Variants in NCSTN observed in about 807,000 individuals in gnomAD.
NCSTN encodes nicastrin, also known as anterior pharynx-defective 2.
NCSTN carries 22 observed loss-of-function variants against 87.0 expected under a neutral mutation model. The ratio of observed to expected loss-of-function variants is 0.25; its 90% confidence interval spans 0.18 to 0.36. The LOEUF (loss-of-function observed/expected upper bound fraction) is 0.36, where lower values mean the gene tolerates loss of function less well. Among genes scored for constraint, NCSTN ranks in the 10% least tolerant of loss-of-function variants. NCSTN has a pLI of 1.00. For missense variants in NCSTN, 693 were observed against 883.3 expected, an observed-to-expected ratio of 0.78 and a Z score of 2.73; for synonymous variants, 306 against 327.1, an observed-to-expected ratio of 0.94 and a Z score of 0.69.
In NCSTN at chr1:160,353,224, C is replaced by G. The variant is rs199830369; in HGVS notation, c.1166C>G (p.Ser389Cys). Residue 389 changes from serine (S) to cysteine (C), a missense_variant, in exon 10 of 17, where the codon TCT (serine) becomes TGT (cysteine). Coordinates refer to ENST00000294785, the MANE Select transcript of NCSTN (RefSeq NM_015331.3). ...GATCCTGTTTCTCAGAAAAATGAGT[C>G]TGTACGGAACCAGGTAACCTGAGCA... ...HTDPVSQKNE[S>C]VRNQVEDLLA... 1 of 1,614,146 alleles carries G rather than the reference C, an allele frequency of 6.2e-7. No individual in the cohort carries two copies. Among genetic ancestry groups the G allele is most frequent in the Non-Finnish European group, 8.5e-7 (1 of 1,180,022 alleles).
chr1:160,358,016 A>G, intron 16 of NCSTN, 133 bp from the exon 17 acceptor site: 3 of 1,144,142 alleles, frequency 2.6e-6, no homozygotes, highest in Non-Finnish European at 4.0e-6. Flanking sequence ...GATGTTGCCC[A>G]TGATTATTCC....
intron 5 of NCSTN, 24 bp from the exon 6 acceptor site, chr1:160,351,198 A>G: frequency 6.2e-7 from 1 of 1,613,898 alleles, no homozygotes; most frequent in Non-Finnish European, 8.5e-7. Flanking sequence ...TAGCTGTCTC[A>G]GTGGGGTCCA....
intron 2 of NCSTN, among the ~76,000 whole-genome samples, chr1:160,348,294 T>C (rs1346703968): frequency 6.6e-6 from 1 of 152,070 alleles, no homozygotes; most frequent in African/African-American, 2.4e-5. Flanking sequence ...ACATAGAAAA[T>C]GTTATTTGTA....
At chr1:160,348,972 T>A in intron 2 of NCSTN, 27 bp from the exon 3 acceptor site, 1 of 1,614,048 alleles carries the variant, frequency 6.2e-7, no homozygotes, top group Non-Finnish European at 8.5e-7. Context: ...TATGGGAGCT[T>A]TAATTTGACT....
At position 160,355,769 on chromosome 1, in the gene NCSTN, C is replaced by G; in HGVS notation, c.1455+12C>G. 1.2e-6 allele frequency: 2 copies of G among 1,610,678 alleles called. 1 individual carries two copies. The highest frequency in any genetic ancestry group is 2.2e-5 in the South Asian group (2 of 91,020). The stretch of plus-strand genomic sequence containing the variant: ...CAGACACTGCCAAGGTAGCACTGAG[C>G]CAGGCTGGGTGGGAGCCTGGGGCAC... On this transcript the variant is annotated intron_variant, in intron 12 of 16. Coordinates refer to ENST00000294785, the MANE Select transcript of NCSTN (RefSeq NM_015331.3).
intron 5 of NCSTN, among the ~76,000 whole-genome samples, chr1:160,350,574 C>A (rs1648782445): frequency 6.6e-6 from 1 of 152,008 alleles, no homozygotes; most frequent in Non-Finnish European, 1.5e-5. Flanking sequence ...TAGTTCTTCT[C>A]ACATTCTTTC....
chr1:160,351,104 T>A, intron 5 of NCSTN, 118 bp from the exon 6 acceptor site: 1 of 1,029,908 alleles, frequency 9.7e-7, no homozygotes, highest in Non-Finnish European at 1.5e-6. Flanking sequence ...GGGATAAATG[T>A]CTCCGAAAAG....
chr1:160,348,849 C>A (rs908043424), intron 2 of NCSTN, 150 bp from the exon 3 acceptor site: 1 of 1,071,308 alleles, frequency 9.3e-7, no homozygotes, highest in African/African-American at 1.6e-5. Context: ...GGAGCTGGGG[C>A]AACAGCTTTT....
chr1:160,354,653 A>G (rs149153854), intron 11 of NCSTN, among the ~76,000 whole-genome samples: 225 of 152,310 alleles, frequency 1.5e-3, no homozygotes, highest in African/African-American at 5.0e-3. Context: ...GACAGAAAGC[A>G]GTCCTTCTCT....
At chr1:160,348,852 C>A in intron 2 of NCSTN, 147 bp from the exon 3 acceptor site, 1 of 1,126,988 alleles carries the variant, frequency 8.9e-7, no homozygotes, top group Non-Finnish European at 1.3e-6. Flanking sequence ...GCTGGGGCAA[C>A]AGCTTTTCAG....
intron 1 of NCSTN, 104 bp downstream of exon 1, chr1:160,343,585 C>T (rs1648241590): frequency 1.9e-6 from 2 of 1,052,128 alleles, no homozygotes; most frequent in Admixed American, 2.0e-5. Flanking sequence ...GCCCCTCTGT[C>T]CCCCCACCCT....
Position 160,350,102 on chromosome 1 carries a change from C to T in NCSTN, c.437-3C>T. The T allele has an allele frequency of 6.2e-7, 1 of 1,613,898 alleles. No individual in the cohort carries two copies. The highest frequency in any genetic ancestry group is 1.1e-5 in the South Asian group (1 of 91,080). ...TCCCCCTATTCCCCATCCTTCCCTT[C>T]AGGTGTTTACTCCAATTCCTATGGG... On this transcript the variant is annotated splice_region_variant and splice_polypyrimidine_tract_variant and intron_variant, in intron 4 of 16. Transcript: ENST00000294785.
intron 16 of NCSTN, 139 bp downstream of exon 16, chr1:160,357,392 C>T (rs893089769): frequency 1.2e-5 from 11 of 918,706 alleles, no homozygotes; most frequent in African/African-American, 1.6e-5. Flanking sequence ...CCTGGTCAGC[C>T]AGCATGTTCC....
At chr1:160,350,472 A>G (rs63404960) in intron 5 of NCSTN, among the ~76,000 whole-genome samples, 2 of 145,032 alleles carry the variant, frequency 1.4e-5, no homozygotes, top group Non-Finnish European at 3.0e-5. Flanking sequence ...AAAAAAAAAA[A>G]GGATTATTTT....
At position 160,355,922 on chromosome 1, in the gene NCSTN, C is replaced by T. The variant is rs1649106401; in HGVS notation, c.1515C>T (p.Thr505=). 10 of 1,614,180 alleles carry T rather than the reference C, an allele frequency of 6.2e-6. No individual in the cohort carries two copies. The highest frequency in any genetic ancestry group is 7.6e-6 in the Non-Finnish European group (9 of 1,180,018). Reference sequence around the variant, plus strand: ...CTCTGTATGAGCTTGCAGGAGGAACCAACTTCAGCGACACAGTTCAGGCTG... The same window carrying T: ...CTCTGTATGAGCTTGCAGGAGGAACTAACTTCAGCGACACAGTTCAGGCTG... ...GRALYELAGG[T]NFSDTVQADP... The change falls in exon 13 of 17, where the codon ACC becomes ACT. Residue 505 remains threonine, a synonymous_variant. Transcript: ENST00000294785.
chr1:160,352,823 C>T (rs2101904271), intron 8 of NCSTN, 64 bp from the exon 9 acceptor site: 2 of 1,304,380 alleles, frequency 1.5e-6, no homozygotes, highest in Non-Finnish European at 2.2e-6. Context: ...GATCTGGCCG[C>T]CTTCGAGGCT....
In NCSTN at chr1:160,357,266, A is replaced by G. The variant is rs1314814424; in HGVS notation, c.2007+13A>G. ...CAAAGAGCTTGAGGTGAGATGGGGC[A>G]GGGGCATAGGTGGCAGGGATCTGTT... On this transcript the variant is annotated intron_variant, in intron 16 of 16. Transcript: ENST00000294785. 6.2e-7 allele frequency: 1 copy of G among 1,605,250 alleles called. No individual in the cohort carries two copies. The highest frequency in any genetic ancestry group is 8.5e-7 in the Non-Finnish European group (1 of 1,174,788).
rs1485474249 is a variant in NCSTN, at chr1:160,351,258, G to C, written c.619G>C (p.Ala207Pro). ...TCACAACCTGAGTCAGAATGGCTCA[G>C]CACCAACCTTCCCACTATGTGCCAT... ...QDHNLSQNGS[A>P]PTFPLCAMQL... is the part of the protein sequence containing the mutation. The change falls in exon 6 of 17, where the codon GCA becomes CCA. Residue 207 changes from alanine (A) to proline (P), a missense_variant. Around this residue, in one of 4 missense-constraint regions of NCSTN, gnomAD observed 134 missense variants for 226.0 expected, o/e 0.59. Transcript: ENST00000294785. The C allele has an allele frequency of 6.2e-7, 1 of 1,614,052 alleles. No individual in the cohort carries two copies. The highest frequency in any genetic ancestry group is 1.3e-5 in the African/African-American group (1 of 74,918).
In NCSTN at chr1:160,355,763, A is replaced by C; in HGVS notation, c.1455+6A>C. 2 of 1,612,344 alleles carry C rather than the reference A, an allele frequency of 1.2e-6. No homozygotes were observed. Among genetic ancestry groups the C allele is most frequent in the Non-Finnish European group, 1.7e-6 (2 of 1,178,310 alleles). ...TTGTAACAGACACTGCCAAGGTAGC[A>C]CTGAGCCAGGCTGGGTGGGAGCCTG... On this transcript the variant is annotated splice_donor_region_variant and intron_variant, in intron 12 of 16. Transcript: ENST00000294785.
Sources: gnomAD v4.1 joint callset for allele counts (sites outside exome capture counted in the v4.1 genomes callset) on GRCh38, gnomAD v4.1.1 for gene constraint, gnomAD v4.1.1 regional missense constraint, MANE v1.5 for transcripts, NCBI Gene and HGNC (gene_info 2026-07-23, HGNC 2026-07-21) for gene names.